Variants in ABCC2 observed in about 807,000 individuals in gnomAD.
The protein encoded by ABCC2 is ATP binding cassette subfamily C member 2.
ABCC2 carries 157 observed loss-of-function variants against 173.4 expected under a neutral mutation model. That is an observed-to-expected ratio of 0.91 (90% CI 0.80 to 1.03). The LOEUF (loss-of-function observed/expected upper bound fraction) is 1.03, where lower values mean the gene tolerates loss of function less well. ABCC2 is among the 50% of genes least tolerant of loss of function. ABCC2 has a pLI of 0.00. For missense variants in ABCC2, 1,822 were observed against 1,852.3 expected, an observed-to-expected ratio of 0.98 and a Z score of 0.30; for synonymous variants, 657 against 693.5, an observed-to-expected ratio of 0.95 and a Z score of 0.83.
intron 28 of ABCC2, among the ~76,000 whole-genome samples, chr10:99,845,186 T>G (rs898674635): frequency 1.3e-5 from 2 of 152,028 alleles, no homozygotes; most frequent in Non-Finnish European, 2.9e-5. Context: ...CACGCCACCA[T>G]GTCTGGCTAA....
At chr10:99,789,350 C>A (rs933339379) in intron 2 of ABCC2, 2 of 152,110 alleles carry the variant, frequency 1.3e-5, no homozygotes, top group Non-Finnish European at 2.9e-5. Context: ...GTGAAAGAGT[C>A]CCTAGAATTG....
intron 19 of ABCC2, among the ~76,000 whole-genome samples, chr10:99,822,177 A>G (rs1254655535): frequency 2.6e-5 from 4 of 152,180 alleles, no homozygotes; most frequent in Non-Finnish European, 5.9e-5. Context: ...CCCAGTAGGT[A>G]TAGTTAGCTG....
intron 6 of ABCC2, among the ~76,000 whole-genome samples, 192 bp from the exon 7 acceptor site, chr10:99,796,905 T>C (rs189586010): frequency 3.9e-5 from 6 of 152,252 alleles, no homozygotes; most frequent in Admixed American, 2.0e-4. Context: ...TTCTAACACA[T>C]TCTTTTGCCC....
At chr10:99,785,469 C>A (rs2037691335) in intron 2 of ABCC2, among the ~76,000 whole-genome samples, 1 of 152,118 alleles carries the variant, frequency 6.6e-6, no homozygotes. Context: ...CTCATAAAAT[C>A]TTCCATCTGC....
chr10:99,792,359 G>A lies in ABCC2; in HGVS notation c.333G>A (p.Trp111Ter). The change falls in exon 3 of 32, where the codon TGG becomes TGA. Residue 111 changes from tryptophan (W) to a stop codon, truncating the protein, a stop_gained and splice_region_variant. Coordinates refer to ENST00000647814, the MANE Select transcript of ABCC2 (RefSeq NM_000392.5). LOFTEE classifies it high-confidence loss of function. Reference protein sequence around the residue: ...YTNPSLYLGTWLLVLLIQYSR... With the variant: ...YTNPSLYLGT ...ATCCAAGCCTCTACCTAGGCACATG[G>A]GTAAGACCTATACCACTTCTGCCCT... The A allele has an allele frequency of 6.2e-7, 1 of 1,613,866 alleles. No homozygotes were observed. The highest frequency in any genetic ancestry group is 8.5e-7 in the Non-Finnish European group (1 of 1,179,872).
At chr10:99,837,290 C>T (rs1481977710) in intron 25 of ABCC2, among the ~76,000 whole-genome samples, 5 of 121,214 alleles carry the variant, frequency 4.1e-5, no homozygotes, top group African/African-American at 1.3e-4. Context: ...CATGCACCAC[C>T]ACGCCCAGCT....
intron 1 of ABCC2, among the ~76,000 whole-genome samples, chr10:99,783,314 AG>A (rs1405195261): frequency 2.2e-4 from 34 of 152,342 alleles, no homozygotes; most frequent in Admixed American, 2.0e-3. Context: ...CTAGAAGTTG[AG>A]TCTAGGGATG....
Position 99,836,068 on chromosome 10 carries a change from G to T in ABCC2, c.3415-23G>T, listed in dbSNP as rs759464360. Reference sequence around the variant, plus strand: ...ATGCCTCATGACTGCGGGACTGGCTGATTCTTTACTTTTTGTGTCCAGATG... The same window carrying T: ...ATGCCTCATGACTGCGGGACTGGCTTATTCTTTACTTTTTGTGTCCAGATG... On this transcript the variant is annotated intron_variant, in intron 24 of 31. Transcript: ENST00000647814. 2.5e-6 allele frequency: 4 copies of T among 1,612,126 alleles called. No homozygotes were observed. In the Admixed American group the frequency reaches 6.7e-5, roughly 27 times the overall value.
intron 25 of ABCC2, 62 bp from the exon 26 acceptor site, chr10:99,841,905 G>T (rs928456344): frequency 8.7e-6 from 14 of 1,612,968 alleles, no homozygotes; most frequent in Admixed American, 1.7e-5. Context: ...GAACGCCAAG[G>T]TTGCTGGTTA....
At position 99,819,268 on chromosome 10, in the gene ABCC2, A is replaced by G; in HGVS notation, c.2619A>G (p.Thr873=). The G allele has an allele frequency of 1.2e-6, 2 of 1,613,106 alleles. No homozygotes were observed. Among genetic ancestry groups the G allele is most frequent in the Non-Finnish European group, 1.7e-6 (2 of 1,179,832 alleles). ...LRHTGPEEEA[T]VHDGSEEEDD... ...ATACAGGCCCTGAAGAGGAAGCCAC[A>G]GGTATGTAAGAAGGATTGGGACAAG... Residue 873 remains threonine, a splice_region_variant and synonymous_variant, in exon 19 of 32, where the codon ACA becomes ACG. Coordinates refer to ENST00000647814, the MANE Select transcript of ABCC2 (RefSeq NM_000392.5).
chr10:99,839,059 G>T (rs1355269614), intron 25 of ABCC2, among the ~76,000 whole-genome samples: 24 of 132,610 alleles, frequency 1.8e-4, no homozygotes, highest in Non-Finnish European at 3.0e-4. Flanking sequence ...CTCACCTCCC[G>T]GACGGGGCGG....
Position 99,784,604 on chromosome 10 carries a change from C to G in ABCC2, c.34-4C>G, listed in dbSNP as rs886163058. ...TGCAACAATCCTTCCCCTTTGGTCT[C>G]CAGAATTCCTCATTCCTGGACAGTC... On this transcript the variant is annotated splice_polypyrimidine_tract_variant and splice_region_variant and intron_variant, in intron 1 of 31. Coordinates refer to ENST00000647814, the MANE Select transcript of ABCC2 (RefSeq NM_000392.5). The G allele has an allele frequency of 8.1e-6, 13 of 1,613,824 alleles. No individual in the cohort carries two copies. Among genetic ancestry groups the G allele is most frequent in the Non-Finnish European group, 9.3e-6 (11 of 1,180,038 alleles).
intron 19 of ABCC2, among the ~76,000 whole-genome samples, chr10:99,830,049 A>G (rs2038711432): frequency 6.6e-6 from 1 of 152,212 alleles, no homozygotes; most frequent in African/African-American, 2.4e-5. Context: ...CATTTCTAGG[A>G]ATTTTCTTCT....
At chr10:99,829,767 C>G (rs984814833) in intron 19 of ABCC2, among the ~76,000 whole-genome samples, 2 of 152,164 alleles carry the variant, frequency 1.3e-5, no homozygotes, top group Non-Finnish European at 2.9e-5. Context: ...GCTGGGACCA[C>G]AGGCATGCAC....
intron 2 of ABCC2, among the ~76,000 whole-genome samples, chr10:99,787,906 T>A (rs7922376): frequency 0.58 from 87,478 of 151,166 alleles, 25,525 homozygotes; most frequent in East Asian, 0.77. Flanking sequence ...TACAAAAAAT[T>A]AAAAAAATTC....
rs1449541690 is a variant in ABCC2, at chr10:99,814,212, TGTG to T, written c.2094+1069_2094+1071del. On this transcript the variant is annotated intron_variant, in intron 16 of 31. Transcript: ENST00000647814. The stretch of plus-strand genomic sequence containing the variant: ...ACACACATGTGTATATATACACACA[TGTG>T]TATATATACACACATGTGTATATAT... Among the ~76,000 whole-genome samples, 26 of 30,180 alleles carry T rather than the reference TGTG, an allele frequency of 8.6e-4. 2 individuals are homozygous for T. Among genetic ancestry groups the T allele is most frequent in the African/African-American group, 3.4e-3 (21 of 6,112 alleles). 19.8% of individuals were successfully genotyped at this position (30,180 alleles called of 152,430 possible).
chr10:99,803,125 T>G (rs1364561594), intron 9 of ABCC2, among the ~76,000 whole-genome samples: 1 of 152,144 alleles, frequency 6.6e-6, no homozygotes, highest in Middle Eastern at 3.2e-3. Flanking sequence ...CCTGCCACCA[T>G]GCCCGTCTAA....
At chr10:99,790,726 C>T (rs2132961253) in intron 2 of ABCC2, among the ~76,000 whole-genome samples, 1 of 152,266 alleles carries the variant, frequency 6.6e-6, no homozygotes, top group African/African-American at 2.4e-5. Flanking sequence ...GTATTATATA[C>T]TTGAAAAAAT....
chr10:99,793,422 C>A, intron 3 of ABCC2, 129 bp from the exon 4 acceptor site: 1 of 1,371,576 alleles, frequency 7.3e-7, no homozygotes, highest in South Asian at 1.2e-5. Context: ...TGCTCTCTAC[C>A]TGGCCAGATT....
Sources: allele counts gnomAD v4.1 joint callset (sites outside exome capture counted in the v4.1 genomes callset), GRCh38; gene constraint gnomAD v4.1.1; transcripts MANE v1.5; gene names NCBI Gene and HGNC (gene_info 2026-07-23, HGNC 2026-07-21).